OSBPL10: variants seen among roughly 807,000 people sequenced by gnomAD.
OSBPL10 encodes oxysterol binding protein like 10.
Under a neutral mutation model 81.7 loss-of-function variants are expected in OSBPL10, and 49 were observed. The observed-to-expected ratio is 0.60, with a 90% CI of 0.48 to 0.76. The LOEUF is 0.76. OSBPL10 is among the 30% of genes least tolerant of loss of function. The probability of loss-of-function intolerance (pLI) is 0.00; values close to 1 mark genes in which losing one functional copy is unlikely to be tolerated. For missense variants in OSBPL10, 923 were observed against 987.8 expected (o/e 0.93, Z 0.88); for synonymous variants, 419 against 383.6 (o/e 1.09, Z -1.08).
chr3:32,002,341 C>A (rs1406928007), intron 2 of OSBPL10, among the ~76,000 whole-genome samples: 3 of 152,046 alleles, frequency 2.0e-5, no homozygotes, highest in Non-Finnish European at 2.9e-5. Flanking sequence ...ACCAGGAGAA[C>A]CATAGGGTAT....
intron 1 of OSBPL10, among the ~76,000 whole-genome samples, chr3:32,066,157 GAAGA>G (rs200875687): frequency 0.066 from 3,784 of 57,146 alleles, 1,338 homozygotes; most frequent in Middle Eastern, 0.21. Flanking sequence ...AGGAAGAAAG[GAAGA>G]AAGGAAGGAA....
At chr3:31,945,161 A>C (rs1190908924) in intron 1 of OSBPL10, among the ~76,000 whole-genome samples, 2 of 151,816 alleles carry the variant, frequency 1.3e-5, no homozygotes, top group Non-Finnish European at 2.9e-5. Flanking sequence ...AAAAAAAAAA[A>C]AAAAAAAAAC....
chr3:31,984,487 C>A (rs942113807), upstream of OSBPL10, among the ~76,000 whole-genome samples: 4 of 151,988 alleles, frequency 2.6e-5, no homozygotes, highest in African/African-American at 9.7e-5. Context: ...GGCCACAGGA[C>A]CTGATGAGCC....
chr3:31,964,858 A>G (rs1049353461), intron 1 of OSBPL10, among the ~76,000 whole-genome samples: 2 of 152,170 alleles, frequency 1.3e-5, no homozygotes, highest in African/African-American at 2.4e-5. Context: ...TTCAGGGGAA[A>G]ATCTGAATAT....
Position 31,981,099 on chromosome 3 carries a change from C to A in OSBPL10, c.81G>T (p.Ala27=). 1.3e-6 allele frequency: 2 copies of A among 1,492,934 alleles called. No homozygotes were observed. Among genetic ancestry groups the A allele is most frequent in the Non-Finnish European group, 1.8e-6 (2 of 1,125,992 alleles). The allele number at this position is 1,492,934 out of a possible 1,614,324, so 92.5% of individuals were successfully genotyped here. ...CCAGAGAGCAGGAGGGCGAGGAGCC[C>A]GCCGAGGTAGCACGGCTGCTGCTGC... ...SSRSSSRATS[A]GSSPSCSLAG... is the part of the protein sequence containing the mutation. The change falls in exon 1 of 12, where the codon GCG becomes GCT. Residue 27 remains alanine (A), a synonymous_variant. Coordinates refer to ENST00000396556, the MANE Select transcript of OSBPL10 (RefSeq NM_017784.5). The surrounding 1 kb of genome is among the most constrained non-coding windows in gnomAD (Gnocchi z 4.5).
At chr3:31,820,257 G>A (rs970972090) in intron 4 of OSBPL10, among the ~76,000 whole-genome samples, 8 of 152,212 alleles carry the variant, frequency 5.3e-5, no homozygotes, top group Non-Finnish European at 8.8e-5. Flanking sequence ...TATTAATAAA[G>A]TCATGCCCTT....
upstream of OSBPL10, among the ~76,000 whole-genome samples, chr3:31,982,704 G>C (rs1353412090): frequency 6.6e-6 from 1 of 151,792 alleles, no homozygotes; most frequent in Admixed American, 6.6e-5. Flanking sequence ...AAGCCATTCA[G>C]AGCTGAATTC....
chr3:31,928,285 T>A (rs1697135792), intron 1 of OSBPL10, among the ~76,000 whole-genome samples: 1 of 152,186 alleles, frequency 6.6e-6, no homozygotes, highest in Non-Finnish European at 1.5e-5. Flanking sequence ...CCATTTGGCA[T>A]CTACCTTAAC....
chr3:31,978,842 G>A (rs1341699110), intron 1 of OSBPL10, among the ~76,000 whole-genome samples: 2 of 152,194 alleles, frequency 1.3e-5, no homozygotes, highest in Non-Finnish European at 2.9e-5. Flanking sequence ...GGCATTAAAT[G>A]TGCTTCTTCT....
chr3:31,875,261 G>A (rs1575594507), intron 3 of OSBPL10, among the ~76,000 whole-genome samples: 1 of 152,102 alleles, frequency 6.6e-6, no homozygotes, highest in Non-Finnish European at 1.5e-5. Context: ...TAGGGCAATA[G>A]GTGGGGATAA....
chr3:31,987,174 A>G (rs777391198), intron 2 of OSBPL10, among the ~76,000 whole-genome samples: 1 of 152,100 alleles, frequency 6.6e-6, no homozygotes, highest in African/African-American at 2.4e-5. Flanking sequence ...ACACTCTTCT[A>G]TCTGCATAGT....
chr3:31,856,061 GTTTAT>G (rs1700905202), intron 3 of OSBPL10, among the ~76,000 whole-genome samples: 4 of 129,604 alleles, frequency 3.1e-5, no homozygotes, highest in South Asian at 2.8e-4. Flanking sequence ...ATACATTTAT[GTTTAT>G]ATTACACACA....
At chr3:31,863,971 G>A (rs1378816036) in intron 3 of OSBPL10, among the ~76,000 whole-genome samples, 1 of 152,158 alleles carries the variant, frequency 6.6e-6, no homozygotes, top group Non-Finnish European at 1.5e-5. Flanking sequence ...GAAGAAGAAG[G>A]AAGAAGCAGC....
chr3:31,951,520 A>T (rs9870709), intron 1 of OSBPL10, among the ~76,000 whole-genome samples: 5,519 of 152,034 alleles, frequency 0.036, 337 homozygotes, highest in African/African-American at 0.12. Context: ...ACTAGTGGTT[A>T]TATTATCCTT....
chr3:31,853,253 T>C (rs950325330), intron 3 of OSBPL10, among the ~76,000 whole-genome samples: 1 of 152,142 alleles, frequency 6.6e-6, no homozygotes, highest in Admixed American at 6.5e-5. Context: ...AGAAAGATTG[T>C]GAAGGCAGGT....
At chr3:31,972,525 G>C (rs562683572) in intron 1 of OSBPL10, among the ~76,000 whole-genome samples, 11 of 145,292 alleles carry the variant, frequency 7.6e-5, no homozygotes, top group African/African-American at 3.1e-4. Flanking sequence ...CTGCAGAGAC[G>C]GCTGAGTGAG....
chr3:31,909,152 T>C (rs2125689602), intron 1 of OSBPL10, among the ~76,000 whole-genome samples: 1 of 152,354 alleles, frequency 6.6e-6, no homozygotes. Flanking sequence ...AGTAAAGAAC[T>C]TGAGAGCTGA....
intron 2 of OSBPL10, among the ~76,000 whole-genome samples, chr3:32,027,068 C>T (rs760936410): frequency 1.3e-5 from 2 of 151,906 alleles, no homozygotes; most frequent in Non-Finnish European, 2.9e-5. Context: ...CTGGGATACA[C>T]GTGCAGAACA....
At chr3:31,813,534 C>T (rs1699762450) in intron 4 of OSBPL10, among the ~76,000 whole-genome samples, 1 of 152,158 alleles carries the variant, frequency 6.6e-6, no homozygotes, top group South Asian at 2.1e-4. Flanking sequence ...CCTATTGTTG[C>T]CTTTAACACC....
Sources: allele counts gnomAD v4.1 joint callset (sites outside exome capture counted in the v4.1 genomes callset), GRCh38; gene constraint gnomAD v4.1.1; non-coding constraint Gnocchi (gnomAD v3.1); transcripts MANE v1.5; gene names NCBI Gene and HGNC (gene_info 2026-07-23, HGNC 2026-07-21).